Variants in LSAMP observed in about 807,000 individuals in gnomAD.
LSAMP encodes limbic system associated membrane protein.
LSAMP carries 7 observed loss-of-function variants against 38.6 expected under a neutral mutation model. The ratio of observed to expected loss-of-function variants is 0.18; its 90% CI spans 0.10 to 0.34. The LOEUF (loss-of-function observed/expected upper bound fraction) is 0.34. LSAMP is among the 10% of genes least tolerant of loss of function. LSAMP has a pLI of 1.00. For synonymous variants in LSAMP, 154 were observed against 166.8 expected (o/e 0.92, Z 0.59); for missense variants, 313 against 420.0 (o/e 0.75, Z 2.23).
chr3:116,244,859 C>T (rs1244280549), intron 1 of LSAMP, among the ~76,000 whole-genome samples: 1 of 152,162 alleles, frequency 6.6e-6, no homozygotes, highest in Non-Finnish European at 1.5e-5. Flanking sequence ...AAATATATTT[C>T]TCCTATTTTT....
chr3:116,071,084 TA>T (rs1707593901), intron 2 of LSAMP, among the ~76,000 whole-genome samples: 1 of 148,780 alleles, frequency 6.7e-6, no homozygotes, highest in African/African-American at 2.4e-5. Context: ...AATAAATAAA[TA>T]AATAAATAAA....
chr3:116,023,168 C>G (rs905547774), intron 2 of LSAMP, among the ~76,000 whole-genome samples: 37 of 143,104 alleles, frequency 2.6e-4, no homozygotes, highest in Admixed American at 1.6e-3. Context: ...GTGTGTGTGT[C>G]TCTCTCTCTC....
At chr3:116,092,549 C>T (rs1708147143) in intron 1 of LSAMP, among the ~76,000 whole-genome samples, 1 of 152,078 alleles carries the variant, frequency 6.6e-6, no homozygotes, top group African/African-American at 2.4e-5. Context: ...GAAAGGTAAG[C>T]ACACAAATTT....
intron 3 of LSAMP, among the ~76,000 whole-genome samples, chr3:115,872,547 G>A (rs549670048): frequency 1.3e-5 from 2 of 152,148 alleles, no homozygotes; most frequent in African/African-American, 4.8e-5. Context: ...GCAGGAGGCC[G>A]ATAGGAGATG....
At position 115,893,874 on chromosome 3, in the gene LSAMP, A is replaced by G. The variant is rs1262480892; in HGVS notation, c.515-41257T>C. Among the ~76,000 whole-genome samples the G allele has an allele frequency of 7.9e-5, 12 of 152,078 alleles. No individual in the cohort carries two copies. The East Asian group carries it at 2.1e-3, about 27-fold the overall frequency. ...AACTTTCAGGTACCACAGAATCGAG[A>G]TAGATGACCGTGCTGGGAATCAACA... On this transcript the variant is annotated intron_variant, in intron 3 of 6. Coordinates refer to ENST00000490035, the MANE Select transcript of LSAMP (RefSeq NM_002338.5).
chr3:116,224,228 A>C (rs1174080996), intron 1 of LSAMP, among the ~76,000 whole-genome samples: 3 of 152,340 alleles, frequency 2.0e-5, no homozygotes, highest in African/African-American at 7.2e-5. Flanking sequence ...ATTTTACTCC[A>C]TGCCCAGAAA....
chr3:116,232,511 A>G (rs935474850), intron 1 of LSAMP, among the ~76,000 whole-genome samples: 6 of 152,158 alleles, frequency 3.9e-5, no homozygotes, highest in Non-Finnish European at 7.3e-5. Context: ...ATCGAGATAG[A>G]AAGCCTGCTG....
At chr3:116,392,305 C>T (rs961242732) in intron 1 of LSAMP, among the ~76,000 whole-genome samples, 5 of 152,200 alleles carry the variant, frequency 3.3e-5, no homozygotes, top group African/African-American at 1.2e-4. Flanking sequence ...TGGGAAGGTC[C>T]TCCTACCTCC....
chr3:116,210,873 T>G (rs185237518), intron 1 of LSAMP, among the ~76,000 whole-genome samples: 4 of 152,096 alleles, frequency 2.6e-5, no homozygotes, highest in African/African-American at 9.7e-5. Context: ...CGAAGAGATA[T>G]CCAGCTTTTA....
chr3:115,898,895 T>G (rs1261117109), intron 3 of LSAMP, among the ~76,000 whole-genome samples: 1 of 152,130 alleles, frequency 6.6e-6, no homozygotes, highest in Non-Finnish European at 1.5e-5. Context: ...CTTTGGGTGC[T>G]ATGAGCATGC....
At position 116,232,699 on chromosome 3, in the gene LSAMP, C is replaced by CTTTTTTTTTT. The variant is rs1219296323; in HGVS notation, c.156-146153_156-146144dup. Among the ~76,000 whole-genome samples, 228 of 99,428 alleles carry CTTTTTTTTTT rather than the reference C, an allele frequency of 2.3e-3. 19 individuals carry two copies. Among genetic ancestry groups the CTTTTTTTTTT allele is most frequent in the South Asian group, 6.3e-3 (14 of 2,240 alleles). 65.2% of individuals were successfully genotyped at this position (99,428 alleles called of 152,430 possible). On this transcript the variant is annotated intron_variant, in intron 1 of 6. Transcript: ENST00000490035. ...TTAATTTTCTTTTCTTTCTTTCTTT[C>CTTTTTTTTTT]TTTTTTTTTTTTTTTTTCCAGCAGG...
chr3:116,049,460 C>T (rs985042766), intron 2 of LSAMP, among the ~76,000 whole-genome samples: 1 of 152,184 alleles, frequency 6.6e-6, no homozygotes, highest in African/African-American at 2.4e-5. Context: ...TCACCTGTTC[C>T]TCCAATGTCA....
At chr3:115,908,110 T>C (rs78206560) in intron 3 of LSAMP, among the ~76,000 whole-genome samples, 2,402 of 152,034 alleles carry the variant, frequency 0.016, 59 homozygotes, top group African/African-American at 0.054. Context: ...TCTTATAATA[T>C]GTGTCACTTT....
chr3:116,261,011 G>A (rs987023677), intron 1 of LSAMP, among the ~76,000 whole-genome samples: 2 of 152,130 alleles, frequency 1.3e-5, no homozygotes, highest in Non-Finnish European at 2.9e-5. Context: ...TATATCCTAA[G>A]CTTTCAAATT....
chr3:116,187,915 A>G (rs1278964056), intron 1 of LSAMP, among the ~76,000 whole-genome samples: 1 of 152,006 alleles, frequency 6.6e-6, no homozygotes, highest in Non-Finnish European at 1.5e-5. Context: ...AGTACCCATT[A>G]GTTATTTTTC....
intron 1 of LSAMP, among the ~76,000 whole-genome samples, chr3:116,295,023 T>C (rs1186611891): frequency 1.3e-5 from 2 of 152,200 alleles, no homozygotes; most frequent in Non-Finnish European, 2.9e-5. Context: ...GAACTGACTT[T>C]ATCTTTTGGC....
At chr3:116,295,942 A>C (rs761604079) in intron 1 of LSAMP, among the ~76,000 whole-genome samples, 9 of 152,188 alleles carry the variant, frequency 5.9e-5, no homozygotes, top group Non-Finnish European at 1.0e-4. Context: ...TGCTTGTATA[A>C]ATTTGGATGA....
intron 1 of LSAMP, among the ~76,000 whole-genome samples, chr3:116,320,186 G>A (rs936220028): frequency 6.6e-6 from 1 of 152,072 alleles, no homozygotes; most frequent in Non-Finnish European, 1.5e-5. Flanking sequence ...AGGCCAAGGC[G>A]GGTGGATCAC....
intron 1 of LSAMP, among the ~76,000 whole-genome samples, chr3:116,358,832 G>C (rs899716269): frequency 6.6e-6 from 1 of 152,064 alleles, no homozygotes; most frequent in African/African-American, 2.4e-5. Context: ...CAAATAGAAA[G>C]CTAAAAATTG....
Sources: gnomAD v4.1 joint callset for allele counts (sites outside exome capture counted in the v4.1 genomes callset) on GRCh38, gnomAD v4.1.1 for gene constraint, MANE v1.5 for transcripts, NCBI Gene and HGNC (gene_info 2026-07-23, HGNC 2026-07-21) for gene names.